Variants in RNF180 observed in about 807,000 individuals in gnomAD.
RNF180 encodes the protein E3 ubiquitin-protein ligase RNF180.
Under a neutral mutation model 59.2 loss-of-function variants are expected in RNF180, and 38 were observed. The ratio of observed to expected loss-of-function variants is 0.64; its 90% CI spans 0.50 to 0.84. RNF180 has a LOEUF of 0.84. RNF180 is among the 40% of genes least tolerant of loss of function. The pLI is 0.00. For synonymous variants in RNF180, 262 were observed against 240.3 expected (o/e 1.09, Z -0.84); for missense variants, 705 against 700.9 (o/e 1.01, Z -0.07).
intron 7 of RNF180, among the ~76,000 whole-genome samples, chr5:64,332,044 G>A (rs1744933798): frequency 6.6e-6 from 1 of 152,118 alleles, no homozygotes; most frequent in Non-Finnish European, 1.5e-5. Flanking sequence ...ACAGTGGCTG[G>A]ACCTCACGCT....
At chr5:64,272,757 G>A (rs998717278) in intron 5 of RNF180, among the ~76,000 whole-genome samples, 10 of 151,974 alleles carry the variant, frequency 6.6e-5, no homozygotes, top group Admixed American at 2.0e-4. Flanking sequence ...GATTTACTAA[G>A]TTGGGAAGAA....
intron 1 of RNF180, among the ~76,000 whole-genome samples, chr5:64,168,180 T>C (rs1446732131): frequency 6.6e-6 from 1 of 152,186 alleles, no homozygotes; most frequent in Non-Finnish European, 1.5e-5. Context: ...CTTGTTTTTG[T>C]TTCTATTTTT....
At chr5:64,265,148 T>C (rs981390983) in intron 5 of RNF180, among the ~76,000 whole-genome samples, 1 of 152,190 alleles carries the variant, frequency 6.6e-6, no homozygotes, top group East Asian at 1.9e-4. Context: ...ATGGGTAGAT[T>C]GCAAAAATTT....
intron 5 of RNF180, among the ~76,000 whole-genome samples, chr5:64,276,319 G>GGTGTGT (rs375203511): frequency 0.056 from 7,705 of 138,022 alleles, 247 homozygotes; most frequent in Middle Eastern, 0.11. Flanking sequence ...AAAATACATT[G>GGTGTGT]GTGTGTGTGT....
chr5:64,202,276 A>G (rs1458239310), intron 2 of RNF180, among the ~76,000 whole-genome samples: 1 of 152,062 alleles, frequency 6.6e-6, no homozygotes, highest in East Asian at 1.9e-4. Flanking sequence ...TGCCTGACTT[A>G]TTTGTGTCAG....
chr5:64,323,278 C>A lies in RNF180; in HGVS notation c.1228-1908C>A, dbSNP rs187041097. 5.9e-5 allele frequency among the ~76,000 whole-genome samples: 9 copies of A among 152,242 alleles called. No homozygotes were observed. In the East Asian group the frequency reaches 1.7e-3, roughly 29 times the overall value. On this transcript the variant is annotated intron_variant, in intron 5 of 7. Transcript: ENST00000389100. ...GATATAGGCTGGGTGTGGTGTCTCA[C>A]AGCCTGTAATCCCAGCACTTTGGGG... is the stretch of plus-strand genomic sequence containing the variant.
At chr5:64,297,920 C>T (rs550338296) in intron 5 of RNF180, among the ~76,000 whole-genome samples, 5 of 151,762 alleles carry the variant, frequency 3.3e-5, no homozygotes, top group African/African-American at 1.2e-4. Context: ...CTTTTAAGTT[C>T]GGGGGTACAT....
intron 5 of RNF180, among the ~76,000 whole-genome samples, chr5:64,303,201 G>A (rs748142775): frequency 6.6e-6 from 1 of 151,532 alleles, no homozygotes; most frequent in Non-Finnish European, 1.5e-5. Flanking sequence ...TGTTTAGACT[G>A]CTCTACTGAC....
intron 5 of RNF180, among the ~76,000 whole-genome samples, chr5:64,300,119 A>G (rs1486587198): frequency 6.6e-6 from 1 of 151,816 alleles, no homozygotes; most frequent in Non-Finnish European, 1.5e-5. Flanking sequence ...GGCAATTTGA[A>G]TACACCAAAG....
chr5:64,229,663 C>G (rs1741993826), intron 5 of RNF180, among the ~76,000 whole-genome samples: 2 of 152,176 alleles, frequency 1.3e-5, no homozygotes, highest in Admixed American at 1.3e-4. Flanking sequence ...CTTGGGATAA[C>G]TTATTTTTAA....
At position 64,212,087 on chromosome 5, in the gene RNF180, C is replaced by A; in HGVS notation, c.158C>A (p.Ala53Asp). The A allele has an allele frequency of 1.3e-6, 2 of 1,598,256 alleles. No homozygotes were observed. The highest frequency in any genetic ancestry group is 2.2e-5 in the East Asian group (1 of 44,752). The change falls in exon 3 of 8, where the codon GCT (alanine) becomes GAT (aspartate). Residue 53 changes from alanine (A) to aspartate (D), a missense_variant. Physicochemically the swap from Ala to Asp is moderately radical, Grantham distance 126 (BLOSUM62 -2). Coordinates refer to ENST00000389100, the MANE Select transcript of RNF180 (RefSeq NM_001113561.2). ...CAGGATAAAGATGATTCAGTTGATGCTCAAAATATTTGTCATGTGTGGCAC... is the reference window on the plus strand; with the variant it reads ...CAGGATAAAGATGATTCAGTTGATGATCAAAATATTTGTCATGTGTGGCAC... The part of the protein sequence containing the change: ...VIKDKDDSVD[A>D]QNICHVWHMN...
chr5:64,359,622 A>G (rs1429083596), intron 7 of RNF180, among the ~76,000 whole-genome samples: 20 of 151,778 alleles, frequency 1.3e-4, no homozygotes, highest in African/African-American at 4.8e-4. Flanking sequence ...TTTGCTGTGC[A>G]GAAGCTCTTT....
intron 5 of RNF180, among the ~76,000 whole-genome samples, chr5:64,261,882 G>C (rs1274983871): frequency 6.6e-6 from 1 of 152,102 alleles, no homozygotes; most frequent in Admixed American, 6.6e-5. Flanking sequence ...TTTTATAGTG[G>C]AAAAAAGTGA....
chr5:64,356,682 G>A (rs1314487631), intron 7 of RNF180, among the ~76,000 whole-genome samples: 2 of 151,842 alleles, frequency 1.3e-5, no homozygotes, highest in African/African-American at 4.8e-5. Flanking sequence ...AAAAAGGAAT[G>A]ATATTCTGAT....
chr5:64,355,998 ATTGAAC>A (rs1188124043), intron 7 of RNF180, among the ~76,000 whole-genome samples: 9 of 151,856 alleles, frequency 5.9e-5, no homozygotes, highest in African/African-American at 2.2e-4. Context: ...ACAAAAGTAA[ATTGAAC>A]TTGATCAAAA....
chr5:64,309,446 A>C (rs1397689996), intron 5 of RNF180, among the ~76,000 whole-genome samples: 1 of 151,710 alleles, frequency 6.6e-6, no homozygotes, highest in Non-Finnish European at 1.5e-5. Context: ...AGCCAAAACA[A>C]TATTTTCTTT....
chr5:64,223,858 GA>G (rs1045323203), intron 5 of RNF180, among the ~76,000 whole-genome samples: 6 of 152,194 alleles, frequency 3.9e-5, no homozygotes, highest in Non-Finnish European at 4.4e-5. Context: ...AATGGAAGTA[GA>G]GGGGGGGAGA....
chr5:64,220,439 G>T (rs1752848042), intron 5 of RNF180, among the ~76,000 whole-genome samples: 1 of 151,698 alleles, frequency 6.6e-6, no homozygotes, highest in Non-Finnish European at 1.5e-5. Context: ...TTATTTTGAT[G>T]CAGTTAAAAC....
At chr5:64,253,587 T>C (rs1181622933) in intron 5 of RNF180, among the ~76,000 whole-genome samples, 1 of 152,180 alleles carries the variant, frequency 6.6e-6, no homozygotes, top group Non-Finnish European at 1.5e-5. Context: ...TTTCTCTGGT[T>C]CCTCGTTTTT....
Sources: gnomAD v4.1 joint callset for allele counts (sites outside exome capture counted in the v4.1 genomes callset) on GRCh38, gnomAD v4.1.1 for gene constraint, MANE v1.5 for transcripts, NCBI Gene and HGNC (gene_info 2026-07-23, HGNC 2026-07-21) for gene names.